SDC4: variants seen among roughly 807,000 people sequenced by gnomAD.
The protein encoded by SDC4 is syndecan-4.
SDC4 carries 17 observed loss-of-function variants against 20.5 expected under a neutral mutation model. The ratio of observed to expected loss-of-function variants is 0.83; its 90% CI spans 0.57 to 1.25. SDC4 has a LOEUF of 1.25. Among genes scored for constraint, SDC4 ranks in the 50% most tolerant of loss-of-function variants. The pLI is 0.00. For synonymous variants in SDC4, 107 were observed against 105.3 expected (o/e 1.02, Z -0.10); for missense variants, 241 against 252.3 (o/e 0.96, Z 0.30).
chr20:45,344,091 A>G (rs1441755441), intron 1 of SDC4, among the ~76,000 whole-genome samples: 3 of 152,228 alleles, frequency 2.0e-5, no homozygotes, highest in African/African-American at 7.2e-5. Flanking sequence ...AAACCTGAAC[A>G]GTACCAGCTT....
intron 3 of SDC4, 50 bp from the exon 4 acceptor site, chr20:45,330,614 T>C: frequency 6.5e-7 from 1 of 1,528,154 alleles, no homozygotes; most frequent in Non-Finnish European, 9.0e-7. Context: ...TGGAAGAGAC[T>C]CAGGGCAGGG....
intron 1 of SDC4, chr20:45,345,355 C>T (rs141001935): frequency 2.6e-4 from 40 of 152,320 alleles, no homozygotes; most frequent in African/African-American, 8.9e-4. Context: ...ATGGAAAGGA[C>T]TCTGGAGGCT....
rs551533397 is a variant in SDC4 at position 45,341,264 on chromosome 20, T to C, written c.61-5344A>G. Among the ~76,000 whole-genome samples the C allele has an allele frequency of 2.0e-5, 3 of 152,298 alleles. No homozygotes were observed. The South Asian group carries it at 6.2e-4, about 32-fold the overall frequency. On this transcript the variant is annotated intron_variant, in intron 1 of 4. Coordinates refer to ENST00000372733, the MANE Select transcript of SDC4 (RefSeq NM_002999.4). ...GGCAGTTCTGTTGCTGGAAGGAAGCTAGCCTGGGGACAGGGAGATGGTGCT... is the reference window on the plus strand; with the variant it reads ...GGCAGTTCTGTTGCTGGAAGGAAGCCAGCCTGGGGACAGGGAGATGGTGCT...
chr20:45,331,550 T>C (rs865802159), intron 3 of SDC4, among the ~76,000 whole-genome samples: 1 of 152,184 alleles, frequency 6.6e-6, no homozygotes, highest in Non-Finnish European at 1.5e-5. Context: ...ATAGGAGGTC[T>C]GCACAAGATA....
At chr20:45,343,054 G>C (rs1987977711) in intron 1 of SDC4, among the ~76,000 whole-genome samples, 1 of 152,176 alleles carries the variant, frequency 6.6e-6, no homozygotes, top group South Asian at 2.1e-4. Flanking sequence ...AGCAGAGCTA[G>C]GACGGGGGCT....
In SDC4 at chr20:45,334,564, C is replaced by T. The variant is rs149346037; in HGVS notation, c.199+1218G>A. On this transcript the variant is annotated intron_variant, in intron 2 of 4. Transcript: ENST00000372733. ...AGTGCAATGGCGTGATCTCAGCTCA[C>T]TGCAACCTCTGCCTCCCGGGTTCAA... is the stretch of plus-strand genomic sequence containing the variant. Among the ~76,000 whole-genome samples, 34 of 152,132 alleles carry T rather than the reference C, an allele frequency of 2.2e-4. No homozygotes were observed. The East Asian group carries it at 6.6e-3, about 29-fold the overall frequency.
Position 45,335,892 on chromosome 20 carries a change from T to G in SDC4, c.89A>C (p.Gln30Pro), listed in dbSNP as rs1326383745. The change falls in exon 2 of 5, where the codon CAG becomes CCG. Residue 30 changes from glutamine (Q) to proline (P), a missense_variant. Gln to Pro is a moderately conservative substitution (Grantham distance 76). Transcript: ENST00000372733. ...SIRETEVIDP[Q>P]DLLEGRYFSG... The stretch of plus-strand genomic sequence containing the variant: ...GAAGTATCGGCCTTCTAGGAGGTCC[T>G]GGGGGTCGATGACCTCAGTCTCTCG... 3.7e-6 allele frequency: 6 copies of G among 1,613,462 alleles called. No individual in the cohort carries two copies. Among genetic ancestry groups the G allele is most frequent in the South Asian group, 1.1e-5 (1 of 91,086 alleles).
intron 1 of SDC4, among the ~76,000 whole-genome samples, chr20:45,338,465 C>T (rs1412749387): frequency 6.6e-6 from 1 of 152,192 alleles, no homozygotes; most frequent in Non-Finnish European, 1.5e-5. Flanking sequence ...CATCAGGAGA[C>T]TTGTCTCAGG....
In SDC4 at chr20:45,326,974, G is replaced by A. The variant is rs974242443; in HGVS notation, c.*290C>T. 5 of 310,784 alleles carry A rather than the reference G, an allele frequency of 1.6e-5. No homozygotes were observed. The highest frequency in any genetic ancestry group is 1.2e-4 in the South Asian group (2 of 16,648). The allele number at this position is 310,784 out of a possible 1,614,324, so 19.3% of individuals were successfully genotyped here. On this transcript the variant is annotated 3_prime_UTR_variant, in exon 5 of 5. Transcript: ENST00000372733. The stretch of plus-strand genomic sequence containing the variant: ...GCATGGTCAGTATGGGCTTGAGGGC[G>A]GACCTAGATTCTTAACTGGAAGTTT...
chr20:45,325,791 G>C lies in SDC4; in HGVS notation c.*1473C>G, dbSNP rs528955076. On this transcript the variant is annotated 3_prime_UTR_variant, in exon 5 of 5. Coordinates refer to ENST00000372733, the MANE Select transcript of SDC4 (RefSeq NM_002999.4). The stretch of plus-strand genomic sequence containing the variant: ...ATACAGTGACGCCTCTAGAAACGTG[G>C]TTAGTGCAACTGAGGAAGGAATTTT... 6.6e-6 allele frequency: 1 copy of C among 152,308 alleles called. No individual in the cohort carries two copies. Among genetic ancestry groups the C allele is most frequent in the Non-Finnish European group, 1.5e-5 (1 of 68,050 alleles). 9.4% of individuals were successfully genotyped at this position (152,308 alleles called of 1,614,324 possible). A position where few individuals can be genotyped will look rare whatever the true frequency, so the allele number is the denominator to read the frequency against.
rs1457331900 is a variant in SDC4 at position 45,326,074 on chromosome 20, A to G, written c.*1190T>C. 1 of 152,574 alleles carries G rather than the reference A, an allele frequency of 6.6e-6. No homozygotes were observed. Among genetic ancestry groups the G allele is most frequent in the African/African-American group, 2.4e-5 (1 of 41,420 alleles). The allele number at this position is 152,574 out of a possible 1,614,324, so 9.5% of individuals were successfully genotyped here. Reference sequence around the variant, plus strand: ...TCACTCAACCACCCAGCAACATCAAACTGGAAACACCACACTATTTCCTGA... The same window carrying G: ...TCACTCAACCACCCAGCAACATCAAGCTGGAAACACCACACTATTTCCTGA... On this transcript the variant is annotated 3_prime_UTR_variant, in exon 5 of 5. Coordinates refer to ENST00000372733, the MANE Select transcript of SDC4 (RefSeq NM_002999.4).
chr20:45,346,229 T>C (rs1988030103), intron 1 of SDC4, among the ~76,000 whole-genome samples: 2 of 152,142 alleles, frequency 1.3e-5, no homozygotes, highest in South Asian at 4.1e-4. Flanking sequence ...CGTGACTATG[T>C]CTGATTTTTC....
intron 1 of SDC4, among the ~76,000 whole-genome samples, chr20:45,340,853 A>G (rs1469583249): frequency 6.6e-6 from 1 of 152,232 alleles, no homozygotes; most frequent in East Asian, 1.9e-4. Context: ...CCAGCAGCGT[A>G]CACTACTCGT....
rs769968940 is a variant in SDC4, at chr20:45,333,072, G to A, written c.200-3C>T. 6.2e-7 allele frequency: 1 copy of A among 1,614,126 alleles called. No individual in the cohort carries two copies. Among genetic ancestry groups the A allele is most frequent in the East Asian group, 2.2e-5 (1 of 44,880 alleles). On this transcript the variant is annotated splice_polypyrimidine_tract_variant and splice_region_variant and intron_variant, in intron 2 of 4. Coordinates refer to ENST00000372733, the MANE Select transcript of SDC4 (RefSeq NM_002999.4). ...GATCATGGAGTCTTCCAAGTCATCT[G>A]TAAGGTCAGAATAGCTGTGTGAGTG... is the stretch of plus-strand genomic sequence containing the variant.
At chr20:45,333,743 A>G (rs1987817033) in intron 2 of SDC4, among the ~76,000 whole-genome samples, 1 of 152,216 alleles carries the variant, frequency 6.6e-6, no homozygotes, top group South Asian at 2.1e-4. Flanking sequence ...TCGTAACAAT[A>G]TATCATTAAC....
intron 4 of SDC4, among the ~76,000 whole-genome samples, chr20:45,328,991 T>TG (rs1987736116): frequency 6.6e-6 from 1 of 152,206 alleles, no homozygotes; most frequent in Admixed American, 6.5e-5. Flanking sequence ...GCTCAGAAGC[T>TG]GACTGTGGTC....
intron 3 of SDC4, among the ~76,000 whole-genome samples, chr20:45,331,328 C>A (rs185292855): frequency 4.9e-4 from 74 of 152,270 alleles, no homozygotes; most frequent in African/African-American, 1.7e-3. Flanking sequence ...GCAGGAATAT[C>A]ATCACCCTAT....
rs989980618 is a variant in SDC4 at position 45,343,852 on chromosome 20, G to A, written c.60+4473C>T. ...AGGTGCCTTTATTTACAGCCCTGTC[G>A]TCTCCTTTAAGCTTCGCCACACCGG... On this transcript the variant is annotated intron_variant, in intron 1 of 4. Coordinates refer to ENST00000372733, the MANE Select transcript of SDC4 (RefSeq NM_002999.4). 4.6e-5 allele frequency among the ~76,000 whole-genome samples: 7 copies of A among 152,152 alleles called. No individual in the cohort carries two copies. In the South Asian group the frequency reaches 8.3e-4, roughly 18 times the overall value.
intron 3 of SDC4, among the ~76,000 whole-genome samples, chr20:45,332,159 ACT>A (rs1987787143): frequency 9.9e-6 from 1 of 101,112 alleles, no homozygotes; most frequent in African/African-American, 3.9e-5. Context: ...ATATATATAT[ACT>A]TTTTTTTTTT....
Sources: gnomAD v4.1 joint callset for allele counts (sites outside exome capture counted in the v4.1 genomes callset) on GRCh38, gnomAD v4.1.1 for gene constraint, MANE v1.5 for transcripts, NCBI Gene and HGNC (gene_info 2026-07-23, HGNC 2026-07-21) for gene names.